ADHFE1: variants seen among roughly 807,000 people sequenced by gnomAD.
ADHFE1 encodes hydroxyacid-oxoacid transhydrogenase, mitochondrial.
Under a neutral mutation model 54.8 loss-of-function variants are expected in ADHFE1, and 37 were observed. The observed-to-expected ratio is 0.68, with a 90% CI of 0.52 to 0.89. The LOEUF (loss-of-function observed/expected upper bound fraction) is 0.89, where lower values mean the gene tolerates loss of function less well. Among genes scored for constraint, ADHFE1 ranks in the 40% least tolerant of loss-of-function variants. The pLI, the probability that ADHFE1 is intolerant of heterozygous loss-of-function variation, is 0.00. For synonymous variants in ADHFE1, 203 were observed against 229.3 expected, an observed-to-expected ratio of 0.89 and a Z score of 1.04; for missense variants, 601 against 591.2, an observed-to-expected ratio of 1.02 and a Z score of -0.17.
Position 66,464,324 on chromosome 8 carries a change from G to A in ADHFE1, c.1320+3859G>A, listed in dbSNP as rs574081605. Among the ~76,000 whole-genome samples the A allele has an allele frequency of 5.1e-4, 77 of 152,278 alleles. No homozygotes were observed. In the South Asian group the frequency reaches 9.3e-3, roughly 18 times the overall value. On this transcript the variant is annotated intron_variant, in intron 13 of 13. Transcript: ENST00000396623. ...ACCAATCACTGGGGGCCAGAAACGC[G>A]AAACAGAAACTCAGCTCAGGCTTGG...
intron 9 of ADHFE1, chr8:66,453,822 C>A: frequency 6.8e-7 from 1 of 1,461,462 alleles, no homozygotes; most frequent in Non-Finnish European, 9.2e-7. Flanking sequence ...GCTTTTACAT[C>A]ACATGAGCAG....
chr8:66,457,207 G>A (rs774524835), intron 12 of ADHFE1, 41 bp downstream of exon 12: 10 of 1,578,734 alleles, frequency 6.3e-6, no homozygotes, highest in Middle Eastern at 1.7e-4. Flanking sequence ...GGCCAGGCAC[G>A]GTGGCTCCCA....
chr8:66,445,132 A>T, intron 5 of ADHFE1, 86 bp from the exon 6 acceptor site: 1 of 1,342,132 alleles, frequency 7.5e-7, no homozygotes, highest in Non-Finnish European at 1.0e-6. Flanking sequence ...AAAACCCCAC[A>T]AAACTTACCC....
At chr8:66,466,497 T>C (rs2719000) in intron 13 of ADHFE1, among the ~76,000 whole-genome samples, 85,412 of 151,444 alleles carry the variant, frequency 0.56, 25,092 homozygotes, top group African/African-American at 0.72. Flanking sequence ...TTTGATGCAT[T>C]TTGAGCGAAT....
At chr8:66,446,348 G>T (rs1806022219) in intron 6 of ADHFE1, among the ~76,000 whole-genome samples, 1 of 152,218 alleles carries the variant, frequency 6.6e-6, no homozygotes, top group African/African-American at 2.4e-5. Flanking sequence ...TGTGCTTGCT[G>T]CCAAGAGGGA....
chr8:66,451,487 C>T (rs1230619504), intron 8 of ADHFE1, among the ~76,000 whole-genome samples: 1 of 152,078 alleles, frequency 6.6e-6, no homozygotes, highest in Admixed American at 6.5e-5. Context: ...GCAGCTGACC[C>T]CAAAGTCTAT....
Position 66,448,921 on chromosome 8 carries a change from C to A in ADHFE1, c.685C>A (p.Leu229Ile). 11 of 1,614,212 alleles carry A rather than the reference C, an allele frequency of 6.8e-6. No individual in the cohort carries two copies. The highest frequency in any genetic ancestry group is 9.3e-6 in the Non-Finnish European group (11 of 1,180,046). Reference protein sequence around the residue: ...TLGLIDPLHTLHMPARVVANS... With the variant: ...TLGLIDPLHTIHMPARVVANS... Reference sequence around the variant, plus strand: ...GGGACTGATTGATCCTCTGCACACCCTCCACATGCCTGCCCGAGTGGTCGC... The same window carrying A: ...GGGACTGATTGATCCTCTGCACACCATCCACATGCCTGCCCGAGTGGTCGC... Residue 229 changes from leucine to isoleucine, a missense_variant, in exon 8 of 14, where the codon CTC becomes ATC. By Grantham distance (5) the Leu-to-Ile change is conservative. Coordinates refer to ENST00000396623, the MANE Select transcript of ADHFE1 (RefSeq NM_144650.3).
intron 13 of ADHFE1, among the ~76,000 whole-genome samples, chr8:66,463,290 T>C (rs1356883804): frequency 5.3e-5 from 8 of 152,196 alleles, no homozygotes; most frequent in Admixed American, 6.5e-5. Context: ...AAAATCTTAA[T>C]TGGACAAAAC....
intron 8 of ADHFE1, 109 bp from the exon 9 acceptor site, chr8:66,451,844 A>G (rs1317905995): frequency 1.5e-5 from 19 of 1,285,312 alleles, no homozygotes; most frequent in Admixed American, 4.3e-5. Flanking sequence ...TAGATAATAT[A>G]TCCACTGTGG....
In ADHFE1 at chr8:66,444,392, G is replaced by C. The variant is rs146390329; in HGVS notation, c.170G>C (p.Gly57Ala). 124 of 1,614,068 alleles carry C rather than the reference G, an allele frequency of 7.7e-5. No individual in the cohort carries two copies. The African/African-American group carries it at 1.3e-3, about 16-fold the overall frequency. The change falls in exon 4 of 14, where the codon GGA becomes GCA. Residue 57 changes from glycine to alanine, a missense_variant. Gly to Ala is a moderately conservative substitution (Grantham distance 60, BLOSUM62 0). Coordinates refer to ENST00000396623, the MANE Select transcript of ADHFE1 (RefSeq NM_144650.3). ...FEMAVSNIRY[G>A]AAVTKEVGMD... Reference sequence around the variant, plus strand: ...ATGGCTGTTTCAAATATTAGATATGGAGCAGCAGTTACAAAGGAAGTAGGA... The same window carrying C: ...ATGGCTGTTTCAAATATTAGATATGCAGCAGCAGTTACAAAGGAAGTAGGA...
At chr8:66,453,625 C>G in intron 9 of ADHFE1, 2 of 1,199,242 alleles carry the variant, frequency 1.7e-6, no homozygotes, top group Non-Finnish European at 2.3e-6. Context: ...CCCAGTGGGT[C>G]CAGTGGGAGG....
At chr8:66,454,199 C>T (rs778851174) in intron 10 of ADHFE1, 42 bp downstream of exon 10, 1 of 1,593,518 alleles carries the variant, frequency 6.3e-7, no homozygotes, top group East Asian at 2.2e-5. Context: ...CAAGCTATTG[C>T]TTTAAAAAAT....
At chr8:66,464,761 C>T (rs892782879) in intron 13 of ADHFE1, among the ~76,000 whole-genome samples, 2 of 152,184 alleles carry the variant, frequency 1.3e-5, no homozygotes, top group African/African-American at 4.8e-5. Flanking sequence ...CAATGCCATG[C>T]CATTAAATAC....
intron 13 of ADHFE1, among the ~76,000 whole-genome samples, chr8:66,466,328 C>T (rs1015426115): frequency 5.3e-5 from 8 of 151,304 alleles, no homozygotes; most frequent in Non-Finnish European, 1.0e-4. Flanking sequence ...TCAAGTGATC[C>T]GCCTGCCTCA....
At chr8:66,447,441 A>T in intron 7 of ADHFE1, 100 bp downstream of exon 7, 1 of 960,044 alleles carries the variant, frequency 1.0e-6, no homozygotes, top group African/African-American at 1.7e-5. Context: ...TACAGTTAGA[A>T]TAAGCCCCAA....
intron 7 of ADHFE1, 30 bp from the exon 8 acceptor site, chr8:66,448,835 T>A (rs1041644132): frequency 6.3e-7 from 1 of 1,581,726 alleles, no homozygotes; most frequent in Non-Finnish European, 8.7e-7. Context: ...CCCATGGCTT[T>A]AGCCTCTACT....
chr8:66,436,059 G>A (rs1805450387), intron 1 of ADHFE1, among the ~76,000 whole-genome samples: 2 of 151,712 alleles, frequency 1.3e-5, no homozygotes, highest in South Asian at 4.2e-4. Flanking sequence ...GGGATTACAG[G>A]CACACACCAC....
chr8:66,467,790 T>C (rs892173724), intron 13 of ADHFE1, among the ~76,000 whole-genome samples: 9 of 152,278 alleles, frequency 5.9e-5, no homozygotes, highest in South Asian at 2.1e-4. Flanking sequence ...GATAAAACCT[T>C]AGTTAATAGA....
intron 1 of ADHFE1, among the ~76,000 whole-genome samples, chr8:66,436,519 T>C (rs534644474): frequency 2.1e-4 from 32 of 151,802 alleles, no homozygotes; most frequent in Non-Finnish European, 4.0e-4. Flanking sequence ...AAATTGCCAT[T>C]AGATGGGGAT....
Sources: gnomAD v4.1 joint callset for allele counts (sites outside exome capture counted in the v4.1 genomes callset) on GRCh38, gnomAD v4.1.1 for gene constraint, MANE v1.5 for transcripts, NCBI Gene and HGNC (gene_info 2026-07-23, HGNC 2026-07-21) for gene names.